Variants in USP14 observed in about 807,000 individuals in gnomAD.
The protein encoded by USP14 is ubiquitin specific peptidase 14, also known as ubiquitin carboxyl-terminal hydrolase 14.
A neutral mutation model predicts 76.5 loss-of-function variants in USP14; 38 were observed. That is an observed-to-expected ratio of 0.50 (90% CI 0.38 to 0.65). USP14 has a LOEUF of 0.65. USP14 is among the 30% of genes least tolerant of loss of function. The pLI, the probability that USP14 is intolerant of heterozygous loss-of-function variation, is 0.00. For synonymous variants in USP14, 192 were observed against 191.7 expected (o/e 1.00, Z -0.01); for missense variants, 467 against 586.5 (o/e 0.80, Z 2.10).
rs1353894805 is a variant in USP14, at chr18:179,619, GCT to G, written c.300+585_300+586del. The stretch of plus-strand genomic sequence containing the variant: ...TTTTTTTTCCTTGAGATGGGGTCTT[GCT>G]CTGTCACCCCGGCTGGAGTGCAGTG... On this transcript the variant is annotated intron_variant, in intron 4 of 15. Coordinates refer to ENST00000261601, the MANE Select transcript of USP14 (RefSeq NM_005151.4). 7.8e-5 allele frequency among the ~76,000 whole-genome samples: 9 copies of G among 114,946 alleles called. No homozygotes were observed. In the East Asian group the frequency reaches 2.0e-3, roughly 25 times the overall value. The allele number at this position is 114,946 out of a possible 152,430, so 75.4% of individuals were successfully genotyped here.
intron 4 of USP14, 40 bp downstream of exon 4, chr18:179,077 T>C: frequency 7.0e-7 from 1 of 1,428,704 alleles, no homozygotes; most frequent in East Asian, 2.3e-5. Flanking sequence ...TCACTACTTT[T>C]TGAAGGACCA....
At chr18:178,834 T>C (rs1413694863) in intron 3 of USP14, 99 bp from the exon 4 acceptor site, 1 of 827,278 alleles carries the variant, frequency 1.2e-6, no homozygotes, top group Non-Finnish European at 1.9e-6. Context: ...GCAAATAGAA[T>C]TATGTTATAT....
In USP14 at chr18:212,286, A is replaced by G. The variant is rs1398485509; in HGVS notation, c.*1002A>G. Reference sequence around the variant, plus strand: ...ATCAGTCAGATTCTTTCCTTGGCTCAGTTGTGTTTGTATTTCCTTTCTTAA... The same window carrying G: ...ATCAGTCAGATTCTTTCCTTGGCTCGGTTGTGTTTGTATTTCCTTTCTTAA... On this transcript the variant is annotated 3_prime_UTR_variant, in exon 16 of 16. Transcript: ENST00000261601. The G allele has an allele frequency of 6.6e-6, 1 of 152,222 alleles. No homozygotes were observed. The highest frequency in any genetic ancestry group is 1.9e-4 in the East Asian group (1 of 5,190). The allele number at this position is 152,222 out of a possible 1,614,324, so 9.4% of individuals were successfully genotyped here.
rs1392119563 is a variant in USP14, at chr18:180,280, C to T, written c.345C>T (p.Tyr115=). 1.9e-6 allele frequency: 3 copies of T among 1,569,078 alleles called. No individual in the cohort carries two copies. Among genetic ancestry groups the T allele is most frequent in the South Asian group, 1.2e-5 (1 of 82,828 alleles). Residue 115 remains tyrosine, a synonymous_variant, in exon 5 of 16, where the codon TAC becomes TAT. Transcript: ENST00000261601. ...TGACAAACCTTGGTAACACTTGTTA[C>T]ATGAATGCCACAGTTCAGTGTATTC... ...CGLTNLGNTC[Y]MNATVQCIRS... is the part of the protein sequence containing the mutation.
Position 163,408 on chromosome 18 carries a change from C to T in USP14, c.117C>T (p.Val39=), listed in dbSNP as rs567906541. The T allele has an allele frequency of 1.4e-5, 22 of 1,613,636 alleles. 1 individual carries two copies. The African/African-American group carries it at 2.5e-4, about 19-fold the overall frequency. Residue 39 remains valine (V), a synonymous_variant, in exon 2 of 16, where the codon GTC becomes GTT. Coordinates refer to ENST00000261601, the MANE Select transcript of USP14 (RefSeq NM_005151.4). ...FKAQLFALTG[V]QPARQKVMVK... is the part of the protein sequence containing the mutation. ...CTCAGCTGTTTGCGTTGACTGGAGT[C>T]CAGCCTGCCAGACAGAAAGTTATGG... is the stretch of plus-strand genomic sequence containing the variant.
intron 5 of USP14, 57 bp downstream of exon 5, chr18:180,396 T>C (rs1909754919): frequency 4.7e-6 from 5 of 1,072,554 alleles, no homozygotes; most frequent in Non-Finnish European, 6.9e-6. Flanking sequence ...AGTAGTATTG[T>C]TTTGTTTTGC....
At chr18:186,169 G>A (rs1909924768) in intron 5 of USP14, among the ~76,000 whole-genome samples, 2 of 152,174 alleles carry the variant, frequency 1.3e-5, no homozygotes, top group Non-Finnish European at 2.9e-5. Context: ...ACAGATTGAA[G>A]ATGTGCCCTG....
At chr18:158,820 G>C (rs1286408328) in intron 1 of USP14, 106 bp downstream of exon 1, 16 of 1,265,020 alleles carry the variant, frequency 1.3e-5, no homozygotes, top group Non-Finnish European at 1.6e-5. Context: ...GGAGGGGCCG[G>C]GGTGGGGTGC....
intron 13 of USP14, 152 bp from the exon 14 acceptor site, chr18:209,819 G>A: frequency 3.4e-6 from 2 of 588,174 alleles, no homozygotes; most frequent in South Asian, 4.7e-5. Context: ...AGTTTTAACT[G>A]TGGTTATATC....
In USP14 at chr18:163,269, GTT is replaced by G. The variant is rs1196139290; in HGVS notation, c.17-38_17-37del. On this transcript the variant is annotated intron_variant, in intron 1 of 15. Coordinates refer to ENST00000261601, the MANE Select transcript of USP14 (RefSeq NM_005151.4). ...TCTAAGGGTCTGTAAATCTTGTCTTGTTATTTTTTAATTAAAAAAATTGTGAT... is the reference window on the plus strand; with the variant it reads ...TCTAAGGGTCTGTAAATCTTGTCTTGATTTTTTAATTAAAAAAATTGTGAT... 3 of 1,541,844 alleles carry G rather than the reference GTT, an allele frequency of 1.9e-6. No individual in the cohort carries two copies. The African/African-American group carries it at 4.1e-5, about 21-fold the overall frequency.
chr18:165,582 T>C (rs940425693), intron 2 of USP14, among the ~76,000 whole-genome samples: 5 of 152,232 alleles, frequency 3.3e-5, no homozygotes, highest in Non-Finnish European at 5.9e-5. Context: ...TATATTTTCT[T>C]TAATTCTCAG....
At chr18:170,697 A>T (rs1243529787) in intron 3 of USP14, among the ~76,000 whole-genome samples, 2 of 152,116 alleles carry the variant, frequency 1.3e-5, no homozygotes, top group East Asian at 3.9e-4. Context: ...ATTCTCTTTA[A>T]TTCTGTGAAG....
At chr18:196,951 T>C (rs1910254381) in intron 7 of USP14, among the ~76,000 whole-genome samples, 184 bp downstream of exon 7, 1 of 152,224 alleles carries the variant, frequency 6.6e-6, no homozygotes. Flanking sequence ...TTTGCCCCTT[T>C]GCAGTTTCTC....
intron 5 of USP14, among the ~76,000 whole-genome samples, chr18:186,693 A>G (rs1909939538): frequency 6.6e-6 from 1 of 152,074 alleles, no homozygotes; most frequent in South Asian, 2.1e-4. Flanking sequence ...CAGAGGCTGC[A>G]GTGAGCCGAG....
At position 179,003 on chromosome 18, in the gene USP14, T is replaced by G. The variant is rs1439274783; in HGVS notation, c.266T>G (p.Val89Gly). ...GAACCCTCAGCCAAAACTGTCTTCG[T>G]AGAAGACATGACAGAAGAACAGTTA... ...PEEPSAKTVFVEDMTEEQLAS... is the reference protein window; with the variant it reads ...PEEPSAKTVFGEDMTEEQLAS... The change falls in exon 4 of 16, where the codon GTA (valine) becomes GGA (glycine). Residue 89 changes from valine to glycine, a missense_variant. Physicochemically the swap from Val to Gly is moderately radical, Grantham distance 109 (BLOSUM62 -3). Transcript: ENST00000261601. 1 of 1,613,012 alleles carries G rather than the reference T, an allele frequency of 6.2e-7. No homozygotes were observed. The highest frequency in any genetic ancestry group is 1.3e-5 in the African/African-American group (1 of 74,884).
chr18:210,106 AT>A, intron 14 of USP14, 75 bp downstream of exon 14: 1 of 1,191,830 alleles, frequency 8.4e-7, no homozygotes, highest in Non-Finnish European at 1.2e-6. Context: ...CTTACCCCAT[AT>A]TTACTTATTC....
At chr18:180,536 G>A (rs1475158790) in intron 5 of USP14, among the ~76,000 whole-genome samples, 197 bp downstream of exon 5, 9 of 152,002 alleles carry the variant, frequency 5.9e-5, no homozygotes, top group Non-Finnish European at 1.5e-5. Context: ...GACATTTTCC[G>A]CCCCCTCCAA....
chr18:212,596 T>C lies in USP14; in HGVS notation c.*1312T>C, dbSNP rs1368532009. The C allele has an allele frequency of 2.0e-5, 3 of 151,616 alleles. No individual in the cohort carries two copies. Among genetic ancestry groups the C allele is most frequent in the Non-Finnish European group, 2.9e-5 (2 of 67,990 alleles). The allele number at this position is 151,616 out of a possible 1,614,324, so 9.4% of individuals were successfully genotyped here. A position where few individuals can be genotyped will look rare whatever the true frequency, so the allele number is the denominator to read the frequency against. On this transcript the variant is annotated 3_prime_UTR_variant, in exon 16 of 16. Coordinates refer to ENST00000261601, the MANE Select transcript of USP14 (RefSeq NM_005151.4). ...TCCAGCCTGGGTGACAGAGAGACTC[T>C]GTCTCAAAAAAAAAAAGAAAAAATT...
In USP14 at chr18:214,336, A is replaced by G. The variant is rs997913535; in HGVS notation, c.*3052A>G. The G allele has an allele frequency of 1.4e-4, 36 of 260,210 alleles. No individual in the cohort carries two copies. Among genetic ancestry groups the G allele is most frequent in the Non-Finnish European group, 1.2e-4 (16 of 137,206 alleles). 16.1% of individuals were successfully genotyped at this position (260,210 alleles called of 1,614,324 possible). On this transcript the variant is annotated 3_prime_UTR_variant, in exon 16 of 16. Coordinates refer to ENST00000261601, the MANE Select transcript of USP14 (RefSeq NM_005151.4). ...ACAGGAAACTAATTTGGTATAAGAA[A>G]CGACATATCCCTAAATAGTGCTTAT...
Sources: allele counts gnomAD v4.1 joint callset (sites outside exome capture counted in the v4.1 genomes callset), GRCh38; gene constraint gnomAD v4.1.1; transcripts MANE v1.5; gene names NCBI Gene and HGNC (gene_info 2026-07-23, HGNC 2026-07-21).